The following HDAC11 variants were observed in gnomAD, a reference collection of about 807,000 sequenced individuals.
The protein encoded by HDAC11 is histone deacetylase 11.
A neutral mutation model predicts 41.1 loss-of-function variants in HDAC11; 23 were observed. That is an observed-to-expected ratio of 0.56 (90% confidence interval 0.40 to 0.79). The LOEUF is 0.79. HDAC11 is among the 30% of genes least tolerant of loss of function. The pLI is 0.00. For synonymous variants in HDAC11, 187 were observed against 186.6 expected, an observed-to-expected ratio of 1.00 and a Z score of -0.02; for missense variants, 402 against 477.3, an observed-to-expected ratio of 0.84 and a Z score of 1.47.
At position 13,504,454 on chromosome 3, in the gene HDAC11, T is replaced by C; in HGVS notation, c.829-14T>C. On this transcript the variant is annotated splice_polypyrimidine_tract_variant and intron_variant, in intron 9 of 9. Coordinates refer to ENST00000295757, the MANE Select transcript of HDAC11 (RefSeq NM_024827.4). Reference sequence around the variant, plus strand: ...GTCTGGCCTGCCTGAGTCACCCTCCTCTTCCCCTAACAGGGCATCGTGAAG... The same window carrying C: ...GTCTGGCCTGCCTGAGTCACCCTCCCCTTCCCCTAACAGGGCATCGTGAAG... 1 of 1,612,694 alleles carries C rather than the reference T, an allele frequency of 6.2e-7. No individual in the cohort carries two copies. Among genetic ancestry groups the C allele is most frequent in the Non-Finnish European group, 8.5e-7 (1 of 1,179,840 alleles).
chr3:13,495,903 T>A (rs760492587), intron 3 of HDAC11, among the ~76,000 whole-genome samples: 9 of 152,332 alleles, frequency 5.9e-5, no homozygotes, highest in Middle Eastern at 3.4e-3. Context: ...CTCATCACAC[T>A]GCAAATAAGT....
chr3:13,497,429 T>C (rs1702150918), intron 4 of HDAC11, among the ~76,000 whole-genome samples: 1 of 152,148 alleles, frequency 6.6e-6, no homozygotes, highest in Admixed American at 6.6e-5. Flanking sequence ...TCCACTCACC[T>C]TGGCCTCCCA....
chr3:13,501,983 T>C, intron 7 of HDAC11, 50 bp downstream of exon 7: 1 of 1,490,428 alleles, frequency 6.7e-7, no homozygotes, highest in Non-Finnish European at 9.4e-7. Flanking sequence ...CACCCCCAGT[T>C]CCAGAATCTT....
intron 4 of HDAC11, 121 bp downstream of exon 4, chr3:13,496,973 C>T (rs1274082326): frequency 1.9e-6 from 1 of 524,482 alleles, no homozygotes; most frequent in Non-Finnish European, 3.4e-6. Flanking sequence ...CTAAATATTC[C>T]TCAAGGCTCG....
chr3:13,480,486 C>T lies in HDAC11; in HGVS notation c.2+137C>T, dbSNP rs1701252900. 3 of 441,186 alleles carry T rather than the reference C, an allele frequency of 6.8e-6. No homozygotes were observed. Among genetic ancestry groups the T allele is most frequent in the Non-Finnish European group, 1.1e-5 (3 of 284,840 alleles). 27.3% of individuals were successfully genotyped at this position (441,186 alleles called of 1,614,324 possible). A position where few individuals can be genotyped will look rare whatever the true frequency, so the allele number is the denominator to read the frequency against. On this transcript the variant is annotated intron_variant, in intron 1 of 9. Transcript: ENST00000295757. The surrounding 1 kb of genome is among the most constrained non-coding windows in gnomAD (Gnocchi z 4.6). Reference sequence around the variant, plus strand: ...TTGCTGGTGAGGGGTGAGGGACGCTCGGGACGGGTGTTTCCAGGCCCTCCC... The same window carrying T: ...TTGCTGGTGAGGGGTGAGGGACGCTTGGGACGGGTGTTTCCAGGCCCTCCC...
chr3:13,486,801 A>T (rs1425048297), intron 3 of HDAC11, among the ~76,000 whole-genome samples: 1 of 151,460 alleles, frequency 6.6e-6, no homozygotes, highest in Non-Finnish European at 1.5e-5. Context: ...CTGGTCTCGA[A>T]CTCCTGACCT....
intron 3 of HDAC11, among the ~76,000 whole-genome samples, chr3:13,495,685 C>A (rs1048988269): frequency 2.0e-5 from 3 of 152,210 alleles, no homozygotes; most frequent in Non-Finnish European, 2.9e-5. Flanking sequence ...GCTAGGAGAC[C>A]AGGCCCTGTG....
In HDAC11 at chr3:13,500,748, G is replaced by T; in HGVS notation, c.448G>T (p.Gly150Trp). The part of the protein sequence containing the change: ...GFHHCSSDRG[G>W]GFCAYADITL... Reference sequence around the variant, plus strand: ...CCACCACTGCTCCAGCGACCGTGGCGGGGGCTTCTGTGCCTATGCGGACAT... The same window carrying T: ...CCACCACTGCTCCAGCGACCGTGGCTGGGGCTTCTGTGCCTATGCGGACAT... Residue 150 changes from glycine to tryptophan, a missense_variant, in exon 6 of 10, where the codon GGG becomes TGG. By Grantham distance (184) the Gly-to-Trp change is radical. Transcript: ENST00000295757. The T allele has an allele frequency of 6.3e-7, 1 of 1,591,528 alleles. No individual in the cohort carries two copies.
chr3:13,500,752 G>T lies in HDAC11; in HGVS notation c.452G>T (p.Gly151Val). ...FHHCSSDRGG[G>V]FCAYADITLA... Reference sequence around the variant, plus strand: ...CACTGCTCCAGCGACCGTGGCGGGGGCTTCTGTGCCTATGCGGACATCACG... The same window carrying T: ...CACTGCTCCAGCGACCGTGGCGGGGTCTTCTGTGCCTATGCGGACATCACG... Residue 151 changes from glycine (G) to valine (V), a missense_variant, in exon 6 of 10, where the codon GGC (glycine) becomes GTC (valine). Coordinates refer to ENST00000295757, the MANE Select transcript of HDAC11 (RefSeq NM_024827.4). 2 of 1,591,314 alleles carry T rather than the reference G, an allele frequency of 1.3e-6. No homozygotes were observed. Among genetic ancestry groups the T allele is most frequent in the Non-Finnish European group, 1.7e-6 (2 of 1,167,980 alleles).
At chr3:13,500,681 T>G (rs1702316703) in intron 5 of HDAC11, 32 bp from the exon 6 acceptor site, 3 of 1,552,500 alleles carry the variant, frequency 1.9e-6, no homozygotes, top group African/African-American at 2.7e-5. Flanking sequence ...GGAGCCTGGC[T>G]CTGAGCAGCA....
At chr3:13,485,061 G>A (rs1345427899) in intron 3 of HDAC11, among the ~76,000 whole-genome samples, 2 of 152,366 alleles carry the variant, frequency 1.3e-5, no homozygotes, top group Admixed American at 6.5e-5. Flanking sequence ...TCCACAGGTG[G>A]AAAAGCCTAG....
intron 3 of HDAC11, among the ~76,000 whole-genome samples, chr3:13,490,744 CTTTTTTTTTTTT>C (rs59531656): frequency 2.4e-5 from 1 of 41,406 alleles, no homozygotes; most frequent in African/African-American, 1.0e-4. Flanking sequence ...GCATTTTTTT[CTTTTTTTTTTTT>C]TTTTTTTTTT....
At position 13,505,983 on chromosome 3, in the gene HDAC11, T is replaced by A. The variant is rs1333782637; in HGVS notation, c.*1300T>A. ...TGCTCCATCAGCCCCCTACGGGACT[T>A]GTGTTCATTACAGTGAGGGGGTGCT... On this transcript the variant is annotated 3_prime_UTR_variant, in exon 10 of 10. Coordinates refer to ENST00000295757, the MANE Select transcript of HDAC11 (RefSeq NM_024827.4). 6.6e-6 allele frequency: 1 copy of A among 152,226 alleles called. No homozygotes were observed. The highest frequency in any genetic ancestry group is 1.5e-5 in the Non-Finnish European group (1 of 68,064). The allele number at this position is 152,226 out of a possible 1,614,324, so 9.4% of individuals were successfully genotyped here. A position where few individuals can be genotyped will look rare whatever the true frequency, so the allele number is the denominator to read the frequency against.
Position 13,504,451 on chromosome 3 carries a change from T to A in HDAC11, c.829-17T>A, listed in dbSNP as rs778057636. The stretch of plus-strand genomic sequence containing the variant: ...GGGGTCTGGCCTGCCTGAGTCACCC[T>A]CCTCTTCCCCTAACAGGGCATCGTG... On this transcript the variant is annotated splice_polypyrimidine_tract_variant and intron_variant, in intron 9 of 9. Coordinates refer to ENST00000295757, the MANE Select transcript of HDAC11 (RefSeq NM_024827.4). 6.2e-7 allele frequency: 1 copy of A among 1,612,416 alleles called. No homozygotes were observed. The highest frequency in any genetic ancestry group is 2.2e-5 in the East Asian group (1 of 44,866).
intron 3 of HDAC11, among the ~76,000 whole-genome samples, chr3:13,486,571 G>GTT (rs767002835): frequency 0.012 from 988 of 82,924 alleles, 22 homozygotes; most frequent in African/African-American, 0.039. Context: ...ATGTAGAGGT[G>GTT]TTTTTTTTTT....
chr3:13,485,270 T>A (rs1272630150), intron 3 of HDAC11, among the ~76,000 whole-genome samples: 1 of 152,100 alleles, frequency 6.6e-6, no homozygotes, highest in Non-Finnish European at 1.5e-5. Flanking sequence ...CAGGAAGAGG[T>A]TGAAACCTGG....
At chr3:13,485,070 A>G (rs1305597675) in intron 3 of HDAC11, among the ~76,000 whole-genome samples, 3 of 152,220 alleles carry the variant, frequency 2.0e-5, no homozygotes, top group African/African-American at 7.2e-5. Context: ...GGAAAAGCCT[A>G]GGTCCAGAAA....
chr3:13,504,438 G>A (rs200684089), intron 9 of HDAC11, 30 bp from the exon 10 acceptor site: 218 of 1,611,212 alleles, frequency 1.4e-4, no homozygotes, highest in Non-Finnish European at 1.7e-4. Flanking sequence ...GGTCTGGCCT[G>A]CCTGAGTCAC....
chr3:13,497,937 C>A (rs1702178755), intron 4 of HDAC11, among the ~76,000 whole-genome samples: 1 of 141,016 alleles, frequency 7.1e-6, no homozygotes, highest in Admixed American at 7.5e-5. Context: ...CTCACTGCAA[C>A]CTCTGCCTCC....
Sources: allele counts gnomAD v4.1 joint callset (sites outside exome capture counted in the v4.1 genomes callset), GRCh38; gene constraint gnomAD v4.1.1; non-coding constraint Gnocchi (gnomAD v3.1); transcripts MANE v1.5; gene names NCBI Gene and HGNC (gene_info 2026-07-23, HGNC 2026-07-21).